Variants in ATXN1 observed in about 807,000 individuals in gnomAD.
ATXN1 encodes the protein ataxin-1.
A neutral mutation model predicts 56.4 loss-of-function variants in ATXN1; 8 were observed. The ratio of observed to expected loss-of-function variants is 0.14; its 90% confidence interval spans 0.08 to 0.26. ATXN1 has a LOEUF of 0.26. ATXN1 is among the 10% of genes least tolerant of loss of function. ATXN1 has a pLI of 1.00. For synonymous variants in ATXN1, 514 were observed against 494.6 expected (o/e 1.04, Z -0.52); for missense variants, 987 against 1,106.5 (o/e 0.89, Z 1.53).
At chr6:16,373,662 C>T (rs559332291) in intron 6 of ATXN1, among the ~76,000 whole-genome samples, 29 of 152,184 alleles carry the variant, frequency 1.9e-4, no homozygotes, top group Non-Finnish European at 3.4e-4. Context: ...ATAAGTCTCA[C>T]GAGATCTGAT....
Position 16,526,064 on chromosome 6 carries a change from T to TATATATATATATATATAC in ATXN1, c.-360-3377_-360-3376insGTATATATATATATATAT, listed in dbSNP as rs370698828. On this transcript the variant is annotated intron_variant, in intron 4 of 7. Transcript: ENST00000436367. ...ATCTATATATATATATATATATATA[T>TATATATATATATATATAC]ACATACATACAATCTATTTATAATG... 7.1e-3 allele frequency among the ~76,000 whole-genome samples: 947 copies of TATATATATATATATATAC among 133,036 alleles called. 25 individuals are homozygous for TATATATATATATATATAC. The highest frequency in any genetic ancestry group is 0.027 in the African/African-American group (885 of 32,298). 87.3% of individuals were successfully genotyped at this position (133,036 alleles called of 152,430 possible). A position where few individuals can be genotyped will look rare whatever the true frequency, so the allele number is the denominator to read the frequency against.
Position 16,512,658 on chromosome 6 carries a change from G to C in ATXN1, c.-299+9969C>G, listed in dbSNP as rs1049194442. ...ATGGGCTGAACAAAATATATAGCAGGCTCTGTGGTCTGCTTTTTCTAAAAG... is the reference window on the plus strand; with the variant it reads ...ATGGGCTGAACAAAATATATAGCAGCCTCTGTGGTCTGCTTTTTCTAAAAG... On this transcript the variant is annotated intron_variant, in intron 5 of 7. Coordinates refer to ENST00000436367, the MANE Select transcript of ATXN1 (RefSeq NM_001128164.2). Among the ~76,000 whole-genome samples the C allele has an allele frequency of 3.9e-5, 6 of 152,148 alleles. No homozygotes were observed. The East Asian group carries it at 7.7e-4, about 19-fold the overall frequency.
intron 2 of ATXN1, among the ~76,000 whole-genome samples, chr6:16,660,287 A>G (rs1322030849): frequency 2.0e-5 from 3 of 152,250 alleles, no homozygotes; most frequent in Non-Finnish European, 2.9e-5. Flanking sequence ...CAAAAGCCCA[A>G]AAAGCAGAAG....
chr6:16,668,295 T>C (rs1758472565), intron 2 of ATXN1, among the ~76,000 whole-genome samples: 1 of 151,964 alleles, frequency 6.6e-6, no homozygotes, highest in African/African-American at 2.4e-5. Context: ...CTGCAACCAT[T>C]AACTCGTCAT....
chr6:16,576,783 C>T (rs1202128426), intron 4 of ATXN1, among the ~76,000 whole-genome samples: 1 of 152,202 alleles, frequency 6.6e-6, no homozygotes, highest in Non-Finnish European at 1.5e-5. Context: ...CTTATGCACA[C>T]AGAGTAACCC....
At chr6:16,389,065 G>A (rs1314798589) in intron 6 of ATXN1, among the ~76,000 whole-genome samples, 1 of 152,194 alleles carries the variant, frequency 6.6e-6, no homozygotes, top group Non-Finnish European at 1.5e-5. Context: ...GGCCCGGCGT[G>A]GTGGCTCACG....
At chr6:16,400,120 G>C (rs1758537844) in intron 6 of ATXN1, among the ~76,000 whole-genome samples, 2 of 152,120 alleles carry the variant, frequency 1.3e-5, no homozygotes, top group Admixed American at 6.5e-5. Flanking sequence ...GAAACTTTCA[G>C]AAGCACCAGA....
At chr6:16,329,906 C>A (rs1412430071) in intron 6 of ATXN1, among the ~76,000 whole-genome samples, 1 of 152,168 alleles carries the variant, frequency 6.6e-6, no homozygotes, top group Non-Finnish European at 1.5e-5. Flanking sequence ...ACTGACATGA[C>A]CCAGGCTAGC....
intron 6 of ATXN1, among the ~76,000 whole-genome samples, chr6:16,482,507 T>C (rs1368985390): frequency 1.3e-5 from 2 of 152,158 alleles, no homozygotes; most frequent in African/African-American, 4.8e-5. Context: ...ATAAGGTAAC[T>C]CAAGAATTCC....
At position 16,410,504 on chromosome 6, in the gene ATXN1, A is replaced by G. The variant is rs1758774695; in HGVS notation, c.-161+75468T>C. On this transcript the variant is annotated intron_variant, in intron 6 of 7. Coordinates refer to ENST00000436367, the MANE Select transcript of ATXN1 (RefSeq NM_001128164.2). The surrounding 1 kb of genome is among the most constrained non-coding windows in gnomAD (Gnocchi z 4.6). ...GTTGGGCTTTTTCTGATGTAGCGAT[A>G]TTTTGGAGATTATGGTTCAACCAGT... is the stretch of plus-strand genomic sequence containing the variant. 6.6e-6 allele frequency among the ~76,000 whole-genome samples: 1 copy of G among 152,196 alleles called. No individual in the cohort carries two copies. Among genetic ancestry groups the G allele is most frequent in the Admixed American group, 6.5e-5 (1 of 15,286 alleles).
intron 3 of ATXN1, among the ~76,000 whole-genome samples, chr6:16,608,177 C>T (rs1356630370): frequency 6.6e-6 from 1 of 152,216 alleles, no homozygotes; most frequent in African/African-American, 2.4e-5. Flanking sequence ...CCATCTGCGA[C>T]TTGGATGTTC....
chr6:16,394,751 G>A (rs910821476), intron 6 of ATXN1, among the ~76,000 whole-genome samples: 26 of 152,210 alleles, frequency 1.7e-4, no homozygotes, highest in Non-Finnish European at 2.9e-4. Flanking sequence ...AAAGAGATAT[G>A]CAGTAGAGAA....
chr6:16,602,455 C>CTTTT (rs779197941), intron 3 of ATXN1, among the ~76,000 whole-genome samples: 22 of 139,828 alleles, frequency 1.6e-4, no homozygotes, highest in African/African-American at 5.8e-4. Context: ...AGCCAAAATT[C>CTTTT]TTTTTTTTTT....
intron 3 of ATXN1, among the ~76,000 whole-genome samples, chr6:16,607,285 G>A (rs1288891824): frequency 6.6e-6 from 1 of 152,208 alleles, no homozygotes; most frequent in African/African-American, 2.4e-5. Context: ...TGAAAGGGTT[G>A]GCGTAAGGGA....
At chr6:16,650,304 G>A (rs544061119) in intron 3 of ATXN1, among the ~76,000 whole-genome samples, 5 of 152,184 alleles carry the variant, frequency 3.3e-5, no homozygotes, top group African/African-American at 1.2e-4. Flanking sequence ...GGAATTCCTA[G>A]GGGCCTTAGA....
intron 6 of ATXN1, among the ~76,000 whole-genome samples, chr6:16,408,515 TAAA>T (rs34769591): frequency 4.4e-5 from 6 of 136,820 alleles, no homozygotes; most frequent in African/African-American, 5.5e-5. Context: ...ATGAGGATGG[TAAA>T]AAAAAAAAAA....
chr6:16,631,754 T>A (rs1763508605), intron 3 of ATXN1, among the ~76,000 whole-genome samples: 2 of 152,252 alleles, frequency 1.3e-5, no homozygotes, highest in African/African-American at 4.8e-5. Flanking sequence ...TTAGAATGGC[T>A]AATCAATAAG....
At chr6:16,597,819 A>T (rs1013404748) in intron 3 of ATXN1, among the ~76,000 whole-genome samples, 3 of 152,224 alleles carry the variant, frequency 2.0e-5, no homozygotes, top group Admixed American at 1.3e-4. Flanking sequence ...CTCCCAGCAT[A>T]GGCTAAAGTT....
At chr6:16,510,618 C>T (rs895715062) in intron 5 of ATXN1, among the ~76,000 whole-genome samples, 2 of 152,074 alleles carry the variant, frequency 1.3e-5, no homozygotes, top group African/African-American at 4.8e-5. Context: ...CACCTGTAGT[C>T]CCAAGCTACT....
Sources: gnomAD v4.1 joint callset for allele counts (sites outside exome capture counted in the v4.1 genomes callset) on GRCh38, gnomAD v4.1.1 for gene constraint, Gnocchi (gnomAD v3.1) non-coding constraint, MANE v1.5 for transcripts, NCBI Gene and HGNC (gene_info 2026-07-23, HGNC 2026-07-21) for gene names.